KLHL8: variants seen among roughly 807,000 people sequenced by gnomAD.
KLHL8 encodes kelch like family member 8.
A neutral mutation model predicts 63.5 loss-of-function variants in KLHL8; 38 were observed. The ratio of observed to expected loss-of-function variants is 0.60; its 90% confidence interval spans 0.46 to 0.78. The LOEUF is 0.78. Among genes scored for constraint, KLHL8 ranks in the 30% least tolerant of loss-of-function variants. The probability of loss-of-function intolerance (pLI) is 0.00; values close to 1 mark genes in which losing one functional copy is unlikely to be tolerated. For synonymous variants in KLHL8, 224 were observed against 254.3 expected (o/e 0.88, Z 1.13); for missense variants, 566 against 752.4 (o/e 0.75, Z 2.90).
chr4:87,199,886 C>T (rs1463915601), intron 1 of KLHL8, among the ~76,000 whole-genome samples: 1 of 151,654 alleles, frequency 6.6e-6, no homozygotes, highest in Non-Finnish European at 1.5e-5. Flanking sequence ...TGGCTCACTC[C>T]TATAATCTCA....
chr4:87,193,492 T>A (rs982376413), intron 2 of KLHL8, among the ~76,000 whole-genome samples: 34 of 152,230 alleles, frequency 2.2e-4, no homozygotes, highest in African/African-American at 8.0e-4. Context: ...TTTTCTTTTC[T>A]TGTTTTTATT....
rs933942268 is a variant in KLHL8, at chr4:87,165,926, A to G, written c.1538-1847T>C. ...ACCAAGAAGATTTTTTTAATGTTCA[A>G]CCTGAATCATTCTTATTTTTACCAT... On this transcript the variant is annotated intron_variant, in intron 8 of 9. Coordinates refer to ENST00000273963, the MANE Select transcript of KLHL8 (RefSeq NM_020803.5). Among the ~76,000 whole-genome samples the G allele has an allele frequency of 3.9e-4, 59 of 151,648 alleles. 1 individual carries two copies.
At chr4:87,226,759 TTATATATAATATATATTA>T (rs1733002736) in intron 1 of KLHL8, among the ~76,000 whole-genome samples, 3 of 5,884 alleles carry the variant, frequency 5.1e-4, no homozygotes, top group South Asian at 3.8e-3. Context: ...TATATATTAT[TTATATATAATATATATTA>T]TATATATAAT....
chr4:87,234,629 G>C (rs1396166000), intron 1 of KLHL8, among the ~76,000 whole-genome samples: 1 of 152,126 alleles, frequency 6.6e-6, no homozygotes, highest in Non-Finnish European at 1.5e-5. Context: ...TATAATACTT[G>C]ATAAGAAATG....
chr4:87,178,538 A>G lies in KLHL8; in HGVS notation c.1035T>C (p.Ser345=). Residue 345 remains serine, a synonymous_variant, in exon 5 of 10, where the codon AGT becomes AGC. Transcript: ENST00000273963. ...TATTCATTTCTGGTCCAAAGAACCAACTGTTTTTGTTGATAGAATAGCATT... is the reference window on the plus strand; with the variant it reads ...TATTCATTTCTGGTCCAAAGAACCAGCTGTTTTTGTTGATAGAATAGCATT... ...SIECYSINKN[S]WFFGPEMNSR... is the part of the protein sequence containing the mutation. 6.2e-7 allele frequency: 1 copy of G among 1,612,496 alleles called. No individual in the cohort carries two copies. Among genetic ancestry groups the G allele is most frequent in the Non-Finnish European group, 8.5e-7 (1 of 1,179,744 alleles).
chr4:87,168,978 A>G (rs77235484), intron 8 of KLHL8, among the ~76,000 whole-genome samples: 2 of 150,234 alleles, frequency 1.3e-5, no homozygotes, highest in East Asian at 1.9e-4. Context: ...AAAAAAAAAA[A>G]GCAATATAAA....
intron 1 of KLHL8, among the ~76,000 whole-genome samples, chr4:87,214,092 C>G (rs1016545378): frequency 2.0e-5 from 3 of 151,954 alleles, no homozygotes; most frequent in African/African-American, 7.3e-5. Flanking sequence ...TGGTCAGGAA[C>G]ACAGTCCTGC....
intron 1 of KLHL8, among the ~76,000 whole-genome samples, chr4:87,214,758 C>T (rs1732535177): frequency 6.6e-6 from 1 of 151,582 alleles, no homozygotes; most frequent in South Asian, 2.1e-4. Flanking sequence ...AATATTCTCC[C>T]TATACAGGAA....
Position 87,170,472 on chromosome 4 carries a change from C to T in KLHL8, c.1352G>A (p.Gly451Glu). Residue 451 changes from glycine to glutamate, a missense_variant, in exon 7 of 10, where the codon GGA (glycine) becomes GAA (glutamate). Gly to Glu is a moderately conservative substitution (Grantham distance 98). Coordinates refer to ENST00000273963, the MANE Select transcript of KLHL8 (RefSeq NM_020803.5). ...TACTAGAGCAACAGAGCCAACTCCT[C>T]CACGGGGAGTATTCATTGGTGCCAC... Reference protein sequence around the residue: ...STVAPMNTPRGGVGSVALVNH... With the variant: ...STVAPMNTPREGVGSVALVNH... 1 of 1,609,398 alleles carries T rather than the reference C, an allele frequency of 6.2e-7. No individual in the cohort carries two copies. Among genetic ancestry groups the T allele is most frequent in the Non-Finnish European group, 8.5e-7 (1 of 1,178,834 alleles).
chr4:87,168,717 T>A (rs978466583), intron 8 of KLHL8, among the ~76,000 whole-genome samples: 3 of 142,164 alleles, frequency 2.1e-5, no homozygotes, highest in African/African-American at 7.6e-5. Flanking sequence ...TGTGTATATA[T>A]ATACGTATAT....
chr4:87,236,357 C>T (rs1299199754), intron 1 of KLHL8, among the ~76,000 whole-genome samples: 10 of 151,864 alleles, frequency 6.6e-5, no homozygotes, highest in Admixed American at 6.6e-4. Flanking sequence ...TACAGGGGCG[C>T]ACCACCATGC....
At chr4:87,194,537 G>A (rs766783862) in intron 2 of KLHL8, among the ~76,000 whole-genome samples, 31 of 152,186 alleles carry the variant, frequency 2.0e-4, no homozygotes, top group Admixed American at 3.9e-4. Flanking sequence ...AGTCAGGCAC[G>A]GTGGTGCATG....
chr4:87,217,416 C>T (rs768189618), intron 1 of KLHL8, among the ~76,000 whole-genome samples: 34 of 152,052 alleles, frequency 2.2e-4, no homozygotes, highest in Non-Finnish European at 4.3e-4. Flanking sequence ...TCACTGCAGC[C>T]TTGACCTCCC....
intron 8 of KLHL8, chr4:87,167,322 A>C (rs1407025357): frequency 4.4e-6 from 2 of 450,692 alleles, no homozygotes; most frequent in African/African-American, 2.0e-5. Flanking sequence ...GACCTGTTCC[A>C]CCTCTGCCTG....
chr4:87,164,077 C>A lies in KLHL8; in HGVS notation c.1540G>T (p.Gly514Cys). 1 of 1,612,732 alleles carries A rather than the reference C, an allele frequency of 6.2e-7. No homozygotes were observed. Among genetic ancestry groups the A allele is most frequent in the Non-Finnish European group, 8.5e-7 (1 of 1,178,772 alleles). ...KLHGCLYVVGGFDDNSPLSSV... is the reference protein window; with the variant it reads ...KLHGCLYVVGCFDDNSPLSSV... Reference sequence around the variant, plus strand: ...CTCAGAGGAGAATTATCATCAAAACCACCTATGTAAAGAAATATTTTAAAA... The same window carrying A: ...CTCAGAGGAGAATTATCATCAAAACAACCTATGTAAAGAAATATTTTAAAA... The change falls in exon 9 of 10, where the codon GGT becomes TGT. Residue 514 changes from glycine (G) to cysteine (C), a missense_variant and splice_region_variant. By Grantham distance (159) the Gly-to-Cys change is radical. Coordinates refer to ENST00000273963, the MANE Select transcript of KLHL8 (RefSeq NM_020803.5).
intron 8 of KLHL8, among the ~76,000 whole-genome samples, chr4:87,164,808 A>G (rs1730310482): frequency 6.6e-6 from 1 of 152,120 alleles, no homozygotes; most frequent in Non-Finnish European, 1.5e-5. Context: ...TGACAGCCTA[A>G]TTTACTGAGA....
At chr4:87,168,770 A>ATG (rs1428935171) in intron 8 of KLHL8, among the ~76,000 whole-genome samples, 59 of 138,174 alleles carry the variant, frequency 4.3e-4, no homozygotes, top group South Asian at 4.0e-3. Flanking sequence ...GTGTATATAT[A>ATG]TGTGTATATA....
At chr4:87,183,769 C>T (rs1731144065) in intron 3 of KLHL8, among the ~76,000 whole-genome samples, 1 of 152,160 alleles carries the variant, frequency 6.6e-6, no homozygotes, top group African/African-American at 2.4e-5. Context: ...ACAATCAAAA[C>T]AAAAGTGCTG....
chr4:87,166,566 G>A (rs901407971), intron 8 of KLHL8, among the ~76,000 whole-genome samples: 2 of 152,124 alleles, frequency 1.3e-5, no homozygotes, highest in African/African-American at 2.4e-5. Context: ...CATTATTCCC[G>A]TTTCATAATC....
Sources: allele counts gnomAD v4.1 joint callset (sites outside exome capture counted in the v4.1 genomes callset), GRCh38; gene constraint gnomAD v4.1.1; transcripts MANE v1.5; gene names NCBI Gene and HGNC (gene_info 2026-07-23, HGNC 2026-07-21).